DNM3: variants seen among roughly 807,000 people sequenced by gnomAD.
DNM3 encodes dynamin-3.
Under a neutral mutation model 101.6 loss-of-function variants are expected in DNM3, and 47 were observed. The observed-to-expected ratio is 0.46, with a 90% CI of 0.37 to 0.59. DNM3 has a LOEUF of 0.59. Ranked by LOEUF, DNM3 falls within the 20% of genes least tolerant of loss-of-function variation. The pLI, the probability that DNM3 is intolerant of heterozygous loss-of-function variation, is 0.00. For synonymous variants in DNM3, 385 were observed against 387.9 expected (o/e 0.99, Z 0.09); for missense variants, 849 against 1,085.7 (o/e 0.78, Z 3.06).
chr1:172,225,030 A>G (rs987114278), intron 14 of DNM3, among the ~76,000 whole-genome samples: 8 of 151,250 alleles, frequency 5.3e-5, no homozygotes, highest in South Asian at 2.1e-4. Flanking sequence ...CCAGTGGTAG[A>G]GTCAGGACTA....
intron 10 of DNM3, among the ~76,000 whole-genome samples, chr1:172,051,258 A>T (rs7518865): frequency 0.35 from 53,279 of 151,794 alleles, 10,253 homozygotes; most frequent in East Asian, 0.69. Context: ...ATAGTCTTCC[A>T]TTAAGGCCCA....
intron 13 of DNM3, among the ~76,000 whole-genome samples, chr1:172,119,997 A>G (rs2056202085): frequency 6.6e-6 from 1 of 152,202 alleles, no homozygotes; most frequent in East Asian, 1.9e-4. Context: ...GGATTCTGCA[A>G]TAGTCAACTA....
chr1:172,125,764 A>T (rs1240301938), intron 13 of DNM3, among the ~76,000 whole-genome samples: 2 of 152,322 alleles, frequency 1.3e-5, no homozygotes, highest in East Asian at 3.9e-4. Context: ...ACAGAATTTG[A>T]TATTCAAATA....
At chr1:172,097,805 G>A (rs982084829) in intron 13 of DNM3, among the ~76,000 whole-genome samples, 1 of 152,158 alleles carries the variant, frequency 6.6e-6, no homozygotes, top group Non-Finnish European at 1.5e-5. Flanking sequence ...GAGAAATAAA[G>A]GGACAGAGTA....
At chr1:172,413,290 T>TATC (rs1478788714), downstream of DNM3, among the ~76,000 whole-genome samples, 1 of 152,106 alleles carries the variant, frequency 6.6e-6, no homozygotes, top group Non-Finnish European at 1.5e-5. Context: ...GCAGTGGCAC[T>TATC]ATCTCGGCTC....
At chr1:172,149,793 T>C (rs2058059537) in intron 14 of DNM3, among the ~76,000 whole-genome samples, 1 of 152,124 alleles carries the variant, frequency 6.6e-6, no homozygotes, top group South Asian at 2.1e-4. Context: ...AAAATACCTG[T>C]ATGTGCATAA....
chr1:171,986,902 G>GT (rs1034467376), intron 2 of DNM3, among the ~76,000 whole-genome samples: 10 of 152,044 alleles, frequency 6.6e-5, no homozygotes, highest in African/African-American at 2.4e-4. Context: ...AAATTGTGGT[G>GT]TTTTTTACAT....
chr1:172,298,089 T>G (rs1385613013), intron 15 of DNM3, among the ~76,000 whole-genome samples: 1 of 152,160 alleles, frequency 6.6e-6, no homozygotes, highest in Admixed American at 6.5e-5. Context: ...TCTACTTAAT[T>G]TTTTTAATTT....
intron 14 of DNM3, among the ~76,000 whole-genome samples, chr1:172,181,375 T>TACACACGC (rs369556554): frequency 1.4e-5 from 2 of 147,612 alleles, no homozygotes; most frequent in South Asian, 4.5e-4. Flanking sequence ...CACTTGAGTT[T>TACACACGC]ACACACACAC....
downstream of DNM3, among the ~76,000 whole-genome samples, chr1:172,417,244 G>A (rs2071461328): frequency 6.6e-6 from 1 of 152,228 alleles, no homozygotes; most frequent in Admixed American, 6.5e-5. Flanking sequence ...ATAATGTTGA[G>A]TTCATTAATG....
chr1:171,904,182 C>T (rs560105669), intron 1 of DNM3, among the ~76,000 whole-genome samples: 83 of 150,724 alleles, frequency 5.5e-4, no homozygotes, highest in East Asian at 4.5e-3. Flanking sequence ...CGTGGTGTCA[C>T]GCACCTGTAG....
At chr1:171,873,923 A>G (rs74126515) in intron 1 of DNM3, among the ~76,000 whole-genome samples, 30 of 152,234 alleles carry the variant, frequency 2.0e-4, no homozygotes, top group Admixed American at 1.8e-3. Flanking sequence ...CTTTTCTGAT[A>G]TGACATTATT....
At chr1:172,275,218 C>A (rs1232861810) in intron 15 of DNM3, among the ~76,000 whole-genome samples, 1 of 151,968 alleles carries the variant, frequency 6.6e-6, no homozygotes, top group Non-Finnish European at 1.5e-5. Flanking sequence ...GGTCCAGATA[C>A]TTATTAAATT....
At chr1:172,224,447 C>G (rs1317059212) in intron 14 of DNM3, among the ~76,000 whole-genome samples, 1 of 151,984 alleles carries the variant, frequency 6.6e-6, no homozygotes, top group East Asian at 1.9e-4. Flanking sequence ...GATCCAGGTC[C>G]TTTTACCACC....
intron 15 of DNM3, among the ~76,000 whole-genome samples, chr1:172,301,795 A>C (rs1473236182): frequency 6.6e-6 from 1 of 152,192 alleles, no homozygotes; most frequent in African/African-American, 2.4e-5. Flanking sequence ...AAAAAGCATG[A>C]CACAAGATAA....
chr1:172,088,876 G>T (rs1309039502), intron 12 of DNM3, among the ~76,000 whole-genome samples: 1 of 152,214 alleles, frequency 6.6e-6, no homozygotes, highest in Non-Finnish European at 1.5e-5. Context: ...TTTGAGCCAA[G>T]AGATAACATT....
intron 1 of DNM3, among the ~76,000 whole-genome samples, chr1:171,907,497 A>C (rs1259098451): frequency 6.6e-6 from 1 of 152,010 alleles, no homozygotes; most frequent in Non-Finnish European, 1.5e-5. Flanking sequence ...GTCACAGAAA[A>C]AAAAAAAAAA....
chr1:172,415,536 T>TGTTTGTTTG (rs60283791), downstream of DNM3, among the ~76,000 whole-genome samples: 2 of 139,498 alleles, frequency 1.4e-5, no homozygotes, highest in African/African-American at 5.3e-5. Context: ...TTTTTTTTTT[T>TGTTTGTTTG]TTTTTTTTTT....
downstream of DNM3, chr1:172,412,757 A>G (rs2071282382): frequency 5.1e-6 from 5 of 984,476 alleles, no homozygotes; most frequent in Admixed American, 3.1e-4. Flanking sequence ...AGTCATGTCT[A>G]TGCCTTTCAG....
Sources: allele counts gnomAD v4.1 joint callset (sites outside exome capture counted in the v4.1 genomes callset), GRCh38; gene constraint gnomAD v4.1.1; transcripts MANE v1.5; gene names NCBI Gene and HGNC (gene_info 2026-07-23, HGNC 2026-07-21).